Variants in AGPS observed in about 807,000 individuals in gnomAD.
AGPS encodes alkyldihydroxyacetonephosphate synthase, peroxisomal.
A neutral mutation model predicts 90.7 loss-of-function variants in AGPS; 26 were observed. The observed-to-expected ratio is 0.29, with a 90% CI of 0.21 to 0.40. AGPS has a LOEUF of 0.40. AGPS is among the 10% of genes least tolerant of loss of function. AGPS has a pLI of 1.00. For missense variants in AGPS, 540 were observed against 816.1 expected, an observed-to-expected ratio of 0.66 and a Z score of 4.12; for synonymous variants, 294 against 285.3, an observed-to-expected ratio of 1.03 and a Z score of -0.31.
intron 3 of AGPS, among the ~76,000 whole-genome samples, chr2:177,435,023 A>ATATATATATATATATATG (rs912295185): frequency 1.4e-5 from 2 of 147,010 alleles, no homozygotes; most frequent in African/African-American, 4.9e-5. Context: ...ATATATATAT[A>ATATATATATATATATATG]TGTATGAAAC....
At chr2:177,437,245 C>G (rs1165870409) in intron 5 of AGPS, among the ~76,000 whole-genome samples, 191 bp downstream of exon 5, 1 of 152,038 alleles carries the variant, frequency 6.6e-6, no homozygotes, top group African/African-American at 2.4e-5. Flanking sequence ...TTTAACAATT[C>G]ATTTTGTTGC....
intron 9 of AGPS, among the ~76,000 whole-genome samples, chr2:177,465,916 G>A (rs1025190034): frequency 5.3e-5 from 8 of 152,230 alleles, no homozygotes; most frequent in East Asian, 1.9e-4. Flanking sequence ...TTTCAGCTCC[G>A]CCATTTAGCG....
intron 5 of AGPS, among the ~76,000 whole-genome samples, chr2:177,437,432 T>A (rs1686448336): frequency 6.6e-6 from 1 of 152,166 alleles, no homozygotes; most frequent in Non-Finnish European, 1.5e-5. Flanking sequence ...TTTGTTGATA[T>A]CAGCTTGTGA....
At position 177,438,679 on chromosome 2, in the gene AGPS, G is replaced by A. The variant is rs990288986; in HGVS notation, c.637+1625G>A. The stretch of plus-strand genomic sequence containing the variant: ...TTAAGCCTCCCATACACCGTTGGGA[G>A]ATTAATTCAATAATCCTTTTGCCAA... On this transcript the variant is annotated intron_variant, in intron 5 of 19. Transcript: ENST00000264167. Among the ~76,000 whole-genome samples, 4 of 152,130 alleles carry A rather than the reference G, an allele frequency of 2.6e-5. No individual in the cohort carries two copies. The South Asian group carries it at 8.3e-4, about 32-fold the overall frequency.
At chr2:177,498,491 G>T (rs1574011881) in intron 13 of AGPS, among the ~76,000 whole-genome samples, 1 of 148,482 alleles carries the variant, frequency 6.7e-6, no homozygotes. Context: ...TTTCTTTTTT[G>T]GTGTAAAAGT....
chr2:177,465,403 A>C (rs1687417174), intron 9 of AGPS, among the ~76,000 whole-genome samples: 1 of 152,176 alleles, frequency 6.6e-6, no homozygotes, highest in Non-Finnish European at 1.5e-5. Flanking sequence ...TTTTAGCCAG[A>C]AACTTCTGTC....
intron 1 of AGPS, among the ~76,000 whole-genome samples, chr2:177,397,470 T>G (rs1398124833): frequency 1.5e-5 from 2 of 137,586 alleles, no homozygotes; most frequent in Admixed American, 7.2e-5. Flanking sequence ...TTTTTTTCAG[T>G]TTTTTTTTTT....
intron 1 of AGPS, among the ~76,000 whole-genome samples, chr2:177,404,542 TCC>T (rs750400179): frequency 3.3e-5 from 5 of 152,154 alleles, no homozygotes; most frequent in Admixed American, 6.5e-5. Context: ...TAGTGTACCA[TCC>T]ACCTAGATTC....
intron 1 of AGPS, among the ~76,000 whole-genome samples, chr2:177,405,446 A>G (rs943095413): frequency 1.6e-4 from 25 of 152,148 alleles, no homozygotes; most frequent in Non-Finnish European, 2.9e-5. Context: ...GAATTATTCT[A>G]TTGATTTTCC....
At chr2:177,522,263 G>A (rs747388669) in intron 18 of AGPS, among the ~76,000 whole-genome samples, 4 of 152,006 alleles carry the variant, frequency 2.6e-5, no homozygotes, top group Non-Finnish European at 5.9e-5. Context: ...GTTGCCCTCT[G>A]GCTACCCAAA....
At chr2:177,409,927 C>G (rs1321037418) in intron 1 of AGPS, among the ~76,000 whole-genome samples, 2 of 152,166 alleles carry the variant, frequency 1.3e-5, no homozygotes, top group Non-Finnish European at 2.9e-5. Context: ...TGACTATCTG[C>G]TTGATAGTTT....
At chr2:177,534,270 C>T (rs2079164276) in intron 19 of AGPS, among the ~76,000 whole-genome samples, 1 of 152,164 alleles carries the variant, frequency 6.6e-6, no homozygotes, top group African/African-American at 2.4e-5. Flanking sequence ...ACCTTGCGTA[C>T]ATGTCTGTTC....
chr2:177,439,657 T>C (rs1224196360), intron 5 of AGPS, among the ~76,000 whole-genome samples: 2 of 152,172 alleles, frequency 1.3e-5, no homozygotes, highest in African/African-American at 4.8e-5. Flanking sequence ...TATGGAACTA[T>C]TTTTGCTTTC....
At chr2:177,407,519 G>C (rs1019513988) in intron 1 of AGPS, among the ~76,000 whole-genome samples, 5 of 152,130 alleles carry the variant, frequency 3.3e-5, no homozygotes, top group East Asian at 3.9e-4. Flanking sequence ...GTTGAGGTTG[G>C]GTGTGGGAGG....
At chr2:177,482,314 G>A in intron 11 of AGPS, 128 bp downstream of exon 11, 1 of 529,918 alleles carries the variant, frequency 1.9e-6, no homozygotes, top group South Asian at 2.7e-5. Context: ...TATTATATTT[G>A]TGGTTTTTAC....
intron 1 of AGPS, among the ~76,000 whole-genome samples, chr2:177,414,133 A>T (rs1295629911): frequency 2.0e-5 from 3 of 151,624 alleles, no homozygotes; most frequent in Admixed American, 6.6e-5. Context: ...TCACTCATTT[A>T]TTCATGATAA....
chr2:177,535,602 A>G (rs1327321964), intron 19 of AGPS, among the ~76,000 whole-genome samples: 1 of 152,186 alleles, frequency 6.6e-6, no homozygotes, highest in Non-Finnish European at 1.5e-5. Context: ...TGGGGTAACT[A>G]CATAAGGTTC....
At chr2:177,525,032 T>C (rs1292717132) in intron 19 of AGPS, among the ~76,000 whole-genome samples, 4 of 152,234 alleles carry the variant, frequency 2.6e-5, no homozygotes, top group East Asian at 1.9e-4. Context: ...GCATTGAAGA[T>C]AATATGCTCC....
intron 16 of AGPS, among the ~76,000 whole-genome samples, chr2:177,510,457 A>C (rs1389062281): frequency 1.3e-5 from 2 of 152,164 alleles, no homozygotes; most frequent in Admixed American, 6.6e-5. Context: ...AGTCCAAATC[A>C]CCGGGACAGT....
Sources: gnomAD v4.1 joint callset for allele counts (sites outside exome capture counted in the v4.1 genomes callset) on GRCh38, gnomAD v4.1.1 for gene constraint, MANE v1.5 for transcripts, NCBI Gene and HGNC (gene_info 2026-07-23, HGNC 2026-07-21) for gene names.